FSTL4: variants seen among roughly 807,000 people sequenced by gnomAD.
FSTL4 encodes follistatin-related protein 4.
A neutral mutation model predicts 78.2 loss-of-function variants in FSTL4; 28 were observed. The ratio of observed to expected loss-of-function variants is 0.36; its 90% CI spans 0.27 to 0.49. FSTL4 has a LOEUF of 0.49. Ranked by LOEUF, FSTL4 falls within the 20% of genes least tolerant of loss-of-function variation. The pLI, the probability that FSTL4 is intolerant of heterozygous loss-of-function variation, is 0.98. For missense variants in FSTL4, 922 were observed against 1,084.9 expected, an observed-to-expected ratio of 0.85 and a Z score of 2.11; for synonymous variants, 422 against 440.5, an observed-to-expected ratio of 0.96 and a Z score of 0.53.
chr5:133,751,635 C>A, the FSTL4 span, among the ~76,000 whole-genome samples: 1 of 151,944 alleles, frequency 6.6e-6, no homozygotes, highest in Non-Finnish European at 1.5e-5. Flanking sequence ...CAGCAAGAGG[C>A]GCAAATTCCG....
At chr5:133,541,502 G>T (rs997865851) in intron 3 of FSTL4, among the ~76,000 whole-genome samples, 1 of 152,142 alleles carries the variant, frequency 6.6e-6, no homozygotes, top group African/African-American at 2.4e-5. Context: ...AAGTCCCCAG[G>T]TTCAAGACGA....
At chr5:133,463,550 G>T (rs1561726899) in intron 3 of FSTL4, among the ~76,000 whole-genome samples, 1 of 152,180 alleles carries the variant, frequency 6.6e-6, no homozygotes, top group Non-Finnish European at 1.5e-5. Flanking sequence ...CTTCTCTGGG[G>T]TGCAAACCCA....
the FSTL4 span, among the ~76,000 whole-genome samples, chr5:133,763,246 T>C: frequency 6.6e-6 from 1 of 152,220 alleles, no homozygotes; most frequent in Non-Finnish European, 1.5e-5. Context: ...CTGGCCATGT[T>C]TACCTACAAG....
intron 7 of FSTL4, among the ~76,000 whole-genome samples, chr5:133,237,849 A>G (rs1417776594): frequency 7.9e-6 from 1 of 126,896 alleles, no homozygotes; most frequent in East Asian, 2.7e-4. Context: ...CTCTTTATGG[A>G]TGGCTTTTTT....
intron 4 of FSTL4, chr5:133,387,996 T>C (rs929337537): frequency 2.0e-5 from 3 of 152,248 alleles, no homozygotes; most frequent in Non-Finnish European, 2.9e-5. Flanking sequence ...TGATGGAATA[T>C]TGCCCTCATG....
chr5:133,415,246 A>G (rs982131118), intron 3 of FSTL4, among the ~76,000 whole-genome samples: 1 of 152,178 alleles, frequency 6.6e-6, no homozygotes, highest in African/African-American at 2.4e-5. Flanking sequence ...GGTCAGGACA[A>G]GCCTGTTTGA....
At chr5:133,318,511 G>T (rs1753964246) in intron 4 of FSTL4, among the ~76,000 whole-genome samples, 2 of 152,246 alleles carry the variant, frequency 1.3e-5, no homozygotes, top group South Asian at 4.1e-4. Context: ...TGAAAGTGGA[G>T]GTGGGGCCAG....
chr5:133,614,477 A>G (rs1443751928), upstream of FSTL4, among the ~76,000 whole-genome samples: 2 of 152,224 alleles, frequency 1.3e-5, no homozygotes, highest in African/African-American at 4.8e-5. Flanking sequence ...ATAAGAGTGA[A>G]ATTAAAAGTC....
the FSTL4 span, among the ~76,000 whole-genome samples, chr5:133,697,302 G>A: frequency 2.0e-5 from 3 of 152,154 alleles, no homozygotes; most frequent in Admixed American, 6.5e-5. Context: ...AGGCAACCCC[G>A]GGTGAAACAC....
the FSTL4 span, among the ~76,000 whole-genome samples, chr5:133,641,278 A>AAAAAC: frequency 4.6e-5 from 7 of 152,018 alleles, no homozygotes; most frequent in Admixed American, 1.3e-4. Context: ...ACAAAAAAAA[A>AAAAAC]CACGTACTGA....
chr5:133,600,220 T>C (rs1274200232), intron 2 of FSTL4, among the ~76,000 whole-genome samples: 1 of 152,174 alleles, frequency 6.6e-6, no homozygotes, highest in Non-Finnish European at 1.5e-5. Flanking sequence ...TATTATAAAA[T>C]AGGCTTTGTG....
intron 6 of FSTL4, among the ~76,000 whole-genome samples, chr5:133,302,326 T>G (rs968541741): frequency 6.6e-6 from 1 of 152,158 alleles, no homozygotes; most frequent in African/African-American, 2.4e-5. Context: ...GACCTTTCTC[T>G]TCCTGCTTAT....
At chr5:133,467,306 A>G (rs1180493600) in intron 3 of FSTL4, among the ~76,000 whole-genome samples, 1 of 151,790 alleles carries the variant, frequency 6.6e-6, no homozygotes, top group Non-Finnish European at 1.5e-5. Context: ...ACACCACTGC[A>G]TTCCCTGGGA....
In FSTL4 at chr5:133,580,488, C is replaced by G. The variant is rs550944632; in HGVS notation, c.127-13269G>C. ...AAGCTTAGGATCTCACTGGAAGAAACGGGCAACAAACAAACACACAAACAA... is the reference window on the plus strand; with the variant it reads ...AAGCTTAGGATCTCACTGGAAGAAAGGGGCAACAAACAAACACACAAACAA... On this transcript the variant is annotated intron_variant, in intron 2 of 15. Transcript: ENST00000265342. Among the ~76,000 whole-genome samples the G allele has an allele frequency of 4.6e-5, 7 of 152,286 alleles. No individual in the cohort carries two copies. The South Asian group carries it at 1.5e-3, about 32-fold the overall frequency.
chr5:133,357,569 T>C (rs1754968474), intron 4 of FSTL4, among the ~76,000 whole-genome samples: 1 of 152,210 alleles, frequency 6.6e-6, no homozygotes, highest in African/African-American at 2.4e-5. Flanking sequence ...AAAGCTGACA[T>C]CATCCCTTGT....
the FSTL4 span, among the ~76,000 whole-genome samples, chr5:133,681,415 CA>C: frequency 6.6e-6 from 1 of 152,222 alleles, no homozygotes; most frequent in African/African-American, 2.4e-5. Flanking sequence ...AGATGTTTCC[CA>C]TCTGGAGCTA....
At chr5:133,252,291 A>T (rs1752274385) in intron 6 of FSTL4, 1 of 152,228 alleles carries the variant, frequency 6.6e-6, no homozygotes, top group Non-Finnish European at 1.5e-5. Context: ...GGAAAAGACC[A>T]ATTGGGCCAT....
chr5:133,720,390 G>A, the FSTL4 span: 3 of 152,280 alleles, frequency 2.0e-5, no homozygotes, highest in Admixed American at 6.5e-5. Flanking sequence ...GAAAATGATA[G>A]GGCTAACAAC....
Position 133,550,325 on chromosome 5 carries a change from G to A in FSTL4, c.160+16861C>T, listed in dbSNP as rs532798539. Among the ~76,000 whole-genome samples the A allele has an allele frequency of 2.1e-4, 32 of 152,268 alleles. No individual in the cohort carries two copies. The East Asian group carries it at 5.2e-3, about 25-fold the overall frequency. On this transcript the variant is annotated intron_variant, in intron 3 of 15. Coordinates refer to ENST00000265342, the MANE Select transcript of FSTL4 (RefSeq NM_015082.2). The stretch of plus-strand genomic sequence containing the variant: ...AGTATCTACTCTTTCTGAAATGGTG[G>A]ATAAATGTGATTACTCAGTTTTGAG...
Sources: allele counts gnomAD v4.1 joint callset (sites outside exome capture counted in the v4.1 genomes callset), GRCh38; gene constraint gnomAD v4.1.1; transcripts MANE v1.5; gene names NCBI Gene and HGNC (gene_info 2026-07-23, HGNC 2026-07-21).